Variants in FBXL7 observed in about 807,000 individuals in gnomAD.
FBXL7 encodes F-box/LRR-repeat protein 7.
FBXL7 carries 12 observed loss-of-function variants against 38.3 expected under a neutral mutation model. That is an observed-to-expected ratio of 0.31 (90% CI 0.20 to 0.51). The LOEUF (loss-of-function observed/expected upper bound fraction) is 0.51. FBXL7 is among the 20% of genes least tolerant of loss of function. The pLI is 0.98. For synonymous variants in FBXL7, 297 were observed against 300.9 expected, an observed-to-expected ratio of 0.99 and a Z score of 0.13; for missense variants, 567 against 676.4, an observed-to-expected ratio of 0.84 and a Z score of 1.79.
At chr5:15,775,253 T>C (rs1736829282) in intron 2 of FBXL7, among the ~76,000 whole-genome samples, 2 of 151,932 alleles carry the variant, frequency 1.3e-5, no homozygotes, top group East Asian at 1.9e-4. Context: ...ACATTTAGAG[T>C]TGGGTTTTTT....
intron 2 of FBXL7, among the ~76,000 whole-genome samples, chr5:15,807,759 C>T (rs1373400725): frequency 2.0e-5 from 3 of 151,916 alleles, no homozygotes; most frequent in Non-Finnish European, 2.9e-5. Context: ...CCAGAAAGAG[C>T]TCTCGCTTAC....
rs74989316 is a variant in FBXL7, at chr5:15,880,863, G to A, written c.128-47027G>A. Reference sequence around the variant, plus strand: ...TGTAGTAAGTGTAGTATGCTCTGTAGTATGCTCATTTAAGCCTAGCTCTGT... The same window carrying A: ...TGTAGTAAGTGTAGTATGCTCTGTAATATGCTCATTTAAGCCTAGCTCTGT... On this transcript the variant is annotated intron_variant, in intron 2 of 3. Coordinates refer to ENST00000504595, the MANE Select transcript of FBXL7 (RefSeq NM_012304.5). 3.3e-4 allele frequency among the ~76,000 whole-genome samples: 50 copies of A among 151,212 alleles called. 4 individuals carry two copies. In the East Asian group the frequency reaches 9.7e-3, roughly 29 times the overall value.
chr5:15,624,048 T>C (rs543850536), intron 2 of FBXL7, among the ~76,000 whole-genome samples: 1 of 152,250 alleles, frequency 6.6e-6, no homozygotes, highest in Non-Finnish European at 1.5e-5. Context: ...TATCAAAGTA[T>C]ATTTTTACTG....
At chr5:15,829,095 T>A (rs1206575926) in intron 2 of FBXL7, among the ~76,000 whole-genome samples, 1 of 152,232 alleles carries the variant, frequency 6.6e-6, no homozygotes, top group Non-Finnish European at 1.5e-5. Context: ...ATTAGGTTTT[T>A]AATATAGCTT....
chr5:15,662,213 T>C (rs1742107949), intron 2 of FBXL7, among the ~76,000 whole-genome samples: 1 of 152,148 alleles, frequency 6.6e-6, no homozygotes, highest in Non-Finnish European at 1.5e-5. Context: ...TGGTATCTCA[T>C]TTTGGTTTTT....
intron 1 of FBXL7, among the ~76,000 whole-genome samples, chr5:15,582,933 A>G (rs1580384672): frequency 7.0e-6 from 1 of 142,108 alleles, no homozygotes; most frequent in Non-Finnish European, 1.5e-5. Context: ...TCCTTGGCTC[A>G]TGTTTTTTTT....
Position 15,740,905 on chromosome 5 carries a change from ACAAT to A in FBXL7, c.127+124838_127+124841del, listed in dbSNP as rs1258365605. 2.6e-5 allele frequency among the ~76,000 whole-genome samples: 4 copies of A among 152,332 alleles called. No homozygotes were observed. The East Asian group carries it at 5.8e-4, about 22-fold the overall frequency. ...TAATTGTTTAAACAAAGAGAAGAAC[ACAAT>A]CAATTTCACAATTTTACATATTTAT... On this transcript the variant is annotated intron_variant, in intron 2 of 3. Coordinates refer to ENST00000504595, the MANE Select transcript of FBXL7 (RefSeq NM_012304.5).
chr5:15,758,312 A>AT (rs113472000), intron 2 of FBXL7, among the ~76,000 whole-genome samples: 17,083 of 146,160 alleles, frequency 0.12, 1,120 homozygotes, highest in South Asian at 0.17. Context: ...AAACAAGGGC[A>AT]TTTTTTTTTT....
chr5:15,882,973 A>AG (rs1382596949), intron 2 of FBXL7, among the ~76,000 whole-genome samples: 1 of 151,506 alleles, frequency 6.6e-6, no homozygotes, highest in Non-Finnish European at 1.5e-5. Flanking sequence ...TTTTAGAAAA[A>AG]AAAATCAATA....
At chr5:15,575,183 A>T (rs1291943142) in intron 1 of FBXL7, among the ~76,000 whole-genome samples, 1 of 152,218 alleles carries the variant, frequency 6.6e-6, no homozygotes, top group Non-Finnish European at 1.5e-5. Context: ...GATCAGAAAA[A>T]GCTAGCTCCA....
intron 2 of FBXL7, among the ~76,000 whole-genome samples, chr5:15,690,866 G>A (rs1209021361): frequency 6.6e-6 from 1 of 152,172 alleles, no homozygotes; most frequent in African/African-American, 2.4e-5. Context: ...GCCACAGGGA[G>A]TTCAGTACTG....
chr5:15,827,929 G>A (rs1738358677), intron 2 of FBXL7, among the ~76,000 whole-genome samples: 1 of 152,180 alleles, frequency 6.6e-6, no homozygotes, highest in South Asian at 2.1e-4. Flanking sequence ...AACACTCCAT[G>A]CCAAAAATTG....
intron 2 of FBXL7, among the ~76,000 whole-genome samples, chr5:15,811,081 C>T (rs567237166): frequency 6.6e-6 from 1 of 152,118 alleles, no homozygotes; most frequent in East Asian, 1.9e-4. Flanking sequence ...CAGTTACTAA[C>T]CATCCTACTG....
chr5:15,551,730 G>A (rs1738078112), intron 1 of FBXL7, among the ~76,000 whole-genome samples: 1 of 152,074 alleles, frequency 6.6e-6, no homozygotes, highest in African/African-American at 2.4e-5. Context: ...TTCTGTATCT[G>A]GAAGTGGTGT....
intron 1 of FBXL7, among the ~76,000 whole-genome samples, chr5:15,565,328 C>T (rs1252132833): frequency 6.6e-6 from 1 of 152,034 alleles, no homozygotes; most frequent in Non-Finnish European, 1.5e-5. Context: ...CCTTCATCCT[C>T]ATTCAGCCAA....
At position 15,760,750 on chromosome 5, in the gene FBXL7, G is replaced by T. The variant is rs73072016; in HGVS notation, c.127+144678G>T. The stretch of plus-strand genomic sequence containing the variant: ...GTTCACTGCAAAAATTGTCTCTGTT[G>T]AGATAAACTGGTGGAGGGAATAGGA... On this transcript the variant is annotated intron_variant, in intron 2 of 3. Transcript: ENST00000504595. 3.9e-3 allele frequency among the ~76,000 whole-genome samples: 599 copies of T among 152,272 alleles called. 5 individuals carry two copies. The highest frequency in any genetic ancestry group is 0.014 in the African/African-American group (575 of 41,574).
chr5:15,668,083 C>G (rs1203382551), intron 2 of FBXL7, among the ~76,000 whole-genome samples: 1 of 152,172 alleles, frequency 6.6e-6, no homozygotes, highest in Non-Finnish European at 1.5e-5. Flanking sequence ...CACCTTGCCA[C>G]CCCATACTGC....
intron 2 of FBXL7, among the ~76,000 whole-genome samples, chr5:15,877,738 CTT>C (rs1209176622): frequency 2.0e-5 from 3 of 152,102 alleles, no homozygotes; most frequent in Admixed American, 2.0e-4. Context: ...CTGAGTTTCT[CTT>C]TTTAAAATAA....
At chr5:15,547,572 G>C (rs1369754432) in intron 1 of FBXL7, among the ~76,000 whole-genome samples, 1 of 152,188 alleles carries the variant, frequency 6.6e-6, no homozygotes, top group Non-Finnish European at 1.5e-5. Flanking sequence ...TTGTGAGCTG[G>C]TTGCTCCAGA....
Sources: gnomAD v4.1 joint callset for allele counts (sites outside exome capture counted in the v4.1 genomes callset) on GRCh38, gnomAD v4.1.1 for gene constraint, MANE v1.5 for transcripts, NCBI Gene and HGNC (gene_info 2026-07-23, HGNC 2026-07-21) for gene names.